KLHL1: variants seen among roughly 807,000 people sequenced by gnomAD.
KLHL1 encodes the protein kelch-like protein 1.
In KLHL1, 47 loss-of-function variants were observed where a neutral mutation model predicts 77.7. That is an observed-to-expected ratio of 0.60 (90% CI 0.48 to 0.77). KLHL1 has a LOEUF of 0.77. KLHL1 is among the 30% of genes least tolerant of loss of function. KLHL1 has a pLI of 0.00. For missense variants in KLHL1, 925 were observed against 910.8 expected, an observed-to-expected ratio of 1.02 and a Z score of -0.20; for synonymous variants, 360 against 325.2, an observed-to-expected ratio of 1.11 and a Z score of -1.15.
intron 4 of KLHL1, among the ~76,000 whole-genome samples, chr13:69,917,187 G>C (rs1239838763): frequency 6.6e-6 from 1 of 151,800 alleles, no homozygotes; most frequent in Non-Finnish European, 1.5e-5. Flanking sequence ...ATGAGAAGTA[G>C]AGTTATCTGT....
At chr13:69,958,335 T>G (rs1883956104) in intron 3 of KLHL1, among the ~76,000 whole-genome samples, 1 of 151,810 alleles carries the variant, frequency 6.6e-6, no homozygotes. Flanking sequence ...TCTCATCTAA[T>G]TTTTTGGACT....
chr13:70,052,070 C>T (rs1417929385), intron 1 of KLHL1, among the ~76,000 whole-genome samples: 2 of 151,512 alleles, frequency 1.3e-5, no homozygotes, highest in Non-Finnish European at 3.0e-5. Context: ...TAGATCTTTA[C>T]TTTCTTAGCC....
At position 69,975,801 on chromosome 13, in the gene KLHL1, G is replaced by A. The variant is rs1334904641; in HGVS notation, c.499C>T (p.Leu167=). 2 of 1,603,492 alleles carry A rather than the reference G, an allele frequency of 1.2e-6. No homozygotes were observed. The highest frequency in any genetic ancestry group is 1.7e-6 in the Non-Finnish European group (2 of 1,176,104). Residue 167 remains leucine, a splice_region_variant and synonymous_variant, in exon 2 of 11, where the codon CTG becomes TTG. Transcript: ENST00000377844. ...QATGEGCGHR[L]SSTGHSMTPQ... is the part of the protein sequence containing the mutation. ...GTCATTGAATGGCCGGTTGATGACA[G>A]CCTATAAACCACACACACACACACA...
chr13:69,874,126 C>T (rs989379436), intron 5 of KLHL1, among the ~76,000 whole-genome samples: 3 of 152,022 alleles, frequency 2.0e-5, no homozygotes, highest in Non-Finnish European at 2.9e-5. Context: ...AGTACTCATA[C>T]GAATAACAAA....
intron 4 of KLHL1, among the ~76,000 whole-genome samples, chr13:69,910,445 C>A (rs773920185): frequency 3.9e-5 from 6 of 151,946 alleles, no homozygotes; most frequent in Non-Finnish European, 8.8e-5. Flanking sequence ...GGAAAGGCAA[C>A]AAGGGTTTTC....
chr13:69,989,084 T>C (rs1367706198), intron 1 of KLHL1, among the ~76,000 whole-genome samples: 1 of 152,096 alleles, frequency 6.6e-6, no homozygotes, highest in East Asian at 1.9e-4. Context: ...AGGATTTTTA[T>C]AGTTTTATGT....
At chr13:69,819,104 C>T (rs994201194) in intron 6 of KLHL1, among the ~76,000 whole-genome samples, 2 of 152,058 alleles carry the variant, frequency 1.3e-5, no homozygotes, top group Admixed American at 6.6e-5. Flanking sequence ...TTAAAAGATC[C>T]TGATAGTGTA....
chr13:69,970,699 G>A (rs1566458742), intron 2 of KLHL1, among the ~76,000 whole-genome samples: 1 of 152,088 alleles, frequency 6.6e-6, no homozygotes, highest in Non-Finnish European at 1.5e-5. Flanking sequence ...GCTTCGGGGT[G>A]TGACTCATTC....
At chr13:69,718,380 G>C (rs1872871399) in intron 9 of KLHL1, among the ~76,000 whole-genome samples, 1 of 150,650 alleles carries the variant, frequency 6.6e-6, no homozygotes, top group Non-Finnish European at 1.5e-5. Context: ...TTTTCCTTTT[G>C]ACATAGAGAC....
intron 1 of KLHL1, among the ~76,000 whole-genome samples, chr13:70,076,918 A>G (rs1887281005): frequency 6.6e-6 from 1 of 151,886 alleles, no homozygotes; most frequent in African/African-American, 2.4e-5. Flanking sequence ...TAATACTACA[A>G]TGATATACCA....
intron 1 of KLHL1, among the ~76,000 whole-genome samples, chr13:70,021,754 A>C (rs1010355934): frequency 2.0e-5 from 3 of 151,830 alleles, no homozygotes; most frequent in African/African-American, 7.3e-5. Context: ...GCACCTTTTC[A>C]TTTGGTTGGT....
At chr13:69,985,731 C>G (rs1244763986) in intron 1 of KLHL1, among the ~76,000 whole-genome samples, 1 of 148,008 alleles carries the variant, frequency 6.8e-6, no homozygotes, top group African/African-American at 2.5e-5. Context: ...GCTAATCAGC[C>G]TAAGTGTTCA....
chr13:70,079,902 A>G (rs992862058), intron 1 of KLHL1, among the ~76,000 whole-genome samples: 1 of 152,174 alleles, frequency 6.6e-6, no homozygotes, highest in Non-Finnish European at 1.5e-5. Flanking sequence ...GGAAGTGAAG[A>G]GTTTTTTAGA....
chr13:70,023,113 T>C (rs966939277), intron 1 of KLHL1, among the ~76,000 whole-genome samples: 1 of 151,950 alleles, frequency 6.6e-6, no homozygotes, highest in Non-Finnish European at 1.5e-5. Context: ...TATACCTTTC[T>C]TTATGCTTTT....
At chr13:69,780,733 CATATATATATACATAT>C (rs1226458158) in intron 7 of KLHL1, among the ~76,000 whole-genome samples, 3 of 42,080 alleles carry the variant, frequency 7.1e-5, no homozygotes, top group African/African-American at 1.6e-4. Context: ...TATATATATA[CATATATATATACATAT>C]ATATATATAC....
At chr13:69,737,544 C>A (rs1873812861) in intron 8 of KLHL1, among the ~76,000 whole-genome samples, 1 of 152,230 alleles carries the variant, frequency 6.6e-6, no homozygotes, top group African/African-American at 2.4e-5. Context: ...CTGTTTCCCT[C>A]TGCTGCTGGT....
At chr13:70,048,482 A>G (rs936915050) in intron 1 of KLHL1, among the ~76,000 whole-genome samples, 1 of 152,228 alleles carries the variant, frequency 6.6e-6, no homozygotes, top group African/African-American at 2.4e-5. Flanking sequence ...CAAGGCAGCC[A>G]GTTAGAAAGA....
intron 5 of KLHL1, among the ~76,000 whole-genome samples, chr13:69,881,412 T>A (rs998423518): frequency 6.6e-6 from 1 of 152,160 alleles, no homozygotes; most frequent in Non-Finnish European, 1.5e-5. Flanking sequence ...TGATTTGGAT[T>A]CAAATGAGGA....
Position 69,961,331 on chromosome 13 carries a change from T to C in KLHL1, c.794A>G (p.Asp265Gly), listed in dbSNP as rs1452804152. The C allele has an allele frequency of 6.2e-7, 1 of 1,612,674 alleles. No homozygotes were observed. Among genetic ancestry groups the C allele is most frequent in the Non-Finnish European group, 8.5e-7 (1 of 1,179,170 alleles). ...MEGIDPNALW[D>G]LVQFAYTGCL... ...ACCTGTATATGCAAATTGGACAAGG[T>C]CCCAGAGAGCATTGGGGTCTATGCC... Residue 265 changes from aspartate (D) to glycine (G), a missense_variant, in exon 3 of 11, where the codon GAC (aspartate) becomes GGC (glycine). Physicochemically the swap from Asp to Gly is moderately conservative, Grantham distance 94. Coordinates refer to ENST00000377844, the MANE Select transcript of KLHL1 (RefSeq NM_020866.3).
Sources: allele counts gnomAD v4.1 joint callset (sites outside exome capture counted in the v4.1 genomes callset), GRCh38; gene constraint gnomAD v4.1.1; transcripts MANE v1.5; gene names NCBI Gene and HGNC (gene_info 2026-07-23, HGNC 2026-07-21).